Variants in SLC2A5 observed in about 807,000 individuals in gnomAD.
The protein encoded by SLC2A5 is solute carrier family 2, facilitated glucose transporter member 5.
SLC2A5 carries 56 observed loss-of-function variants against 50.3 expected under a neutral mutation model. That is an observed-to-expected ratio of 1.11 (90% CI 0.90 to 1.39). The LOEUF (loss-of-function observed/expected upper bound fraction) is 1.39. SLC2A5 is among the 40% of genes most tolerant of loss of function. The pLI, the probability that SLC2A5 is intolerant of heterozygous loss-of-function variation, is 0.00. For missense variants in SLC2A5, 566 were observed against 650.1 expected, an observed-to-expected ratio of 0.87 and a Z score of 1.41; for synonymous variants, 269 against 281.9, an observed-to-expected ratio of 0.95 and a Z score of 0.46.
Position 9,063,477 on chromosome 1 carries a change from A to G in SLC2A5, c.34-5227T>C, listed in dbSNP as rs562608462. 1.1e-3 allele frequency among the ~76,000 whole-genome samples: 170 copies of G among 151,850 alleles called. 1 individual carries two copies. The highest frequency in any genetic ancestry group is 3.9e-3 in the African/African-American group (163 of 41,382). On this transcript the variant is annotated intron_variant, in intron 1 of 11. Coordinates refer to ENST00000377424, the MANE Select transcript of SLC2A5 (RefSeq NM_003039.3). ...AGCCTCCACCTCCTCGGTTCAAGCA[A>G]TTCTCCTGCCTCAGCCTCCCGGATA...
rs139477702 is a variant in SLC2A5 at position 9,039,853 on chromosome 1, G to C, written c.832C>G (p.Leu278Val). The C allele has an allele frequency of 2.5e-6, 4 of 1,610,780 alleles. No individual in the cohort carries two copies. The highest frequency in any genetic ancestry group is 2.5e-6 in the Non-Finnish European group (3 of 1,179,098). The change falls in exon 7 of 12, where the codon CTG (leucine) becomes GTG (valine). Residue 278 changes from leucine (L) to valine (V), a missense_variant. Coordinates refer to ENST00000377424, the MANE Select transcript of SLC2A5 (RefSeq NM_003039.3). Reference sequence around the variant, plus strand: ...CCCATGAGGACGATGATGGACAGCAGCTGCCAGCGCAGCGAGCGCATCCGG... The same window carrying C: ...CCCATGAGGACGATGATGGACAGCACCTGCCAGCGCAGCGAGCGCATCCGG... Reference protein sequence around the residue: ...LFRMRSLRWQLLSIIVLMGGQ... With the variant: ...LFRMRSLRWQVLSIIVLMGGQ...
chr1:9,055,489 C>A (rs1641727813), intron 3 of SLC2A5, among the ~76,000 whole-genome samples: 1 of 151,818 alleles, frequency 6.6e-6, no homozygotes, highest in African/African-American at 2.4e-5. Flanking sequence ...TGCACTCCAG[C>A]CTGGGTGACA....
chr1:9,042,223 C>T (rs1341668185), intron 4 of SLC2A5, among the ~76,000 whole-genome samples: 1 of 152,108 alleles, frequency 6.6e-6, no homozygotes, highest in African/African-American at 2.4e-5. Flanking sequence ...TGAGTCTAGA[C>T]CCACTCACGT....
intron 3 of SLC2A5, among the ~76,000 whole-genome samples, chr1:9,053,252 ATATATTATATATT>A (rs1316929338): frequency 9.4e-4 from 12 of 12,708 alleles, no homozygotes; most frequent in African/African-American, 2.6e-3. Context: ...TATTATATTT[ATATATTATATATT>A]TATATTATAT....
At chr1:9,065,892 C>T (rs1020473757) in intron 1 of SLC2A5, among the ~76,000 whole-genome samples, 3 of 152,018 alleles carry the variant, frequency 2.0e-5, no homozygotes, top group Non-Finnish European at 2.9e-5. Context: ...TGCAATGAGC[C>T]GTGATTGTGC....
upstream of SLC2A5, among the ~76,000 whole-genome samples, chr1:9,089,547 G>C (rs940071559): frequency 3.9e-5 from 6 of 152,134 alleles, no homozygotes; most frequent in Non-Finnish European, 1.5e-5. Context: ...AAAGGCAAGC[G>C]TCTCTGTTTA....
At chr1:9,070,547 G>A (rs1481136355), upstream of SLC2A5, among the ~76,000 whole-genome samples, 1 of 152,098 alleles carries the variant, frequency 6.6e-6, no homozygotes, top group Non-Finnish European at 1.5e-5. Context: ...CCAGGCCACT[G>A]TCAGCCCCCC....
At chr1:9,062,440 G>T (rs1557677841) in intron 1 of SLC2A5, among the ~76,000 whole-genome samples, 1 of 152,174 alleles carries the variant, frequency 6.6e-6, no homozygotes. Flanking sequence ...TGGCCAGTGT[G>T]GCTGGAGCGT....
rs754664572 is a variant in SLC2A5 at position 9,039,586 on chromosome 1, G to C, written c.962C>G (p.Thr321Ser). The C allele has an allele frequency of 1.3e-5, 21 of 1,575,868 alleles. No individual in the cohort carries two copies. The highest frequency in any genetic ancestry group is 3.3e-4 in the Middle Eastern group (2 of 6,018). Residue 321 changes from threonine (T) to serine (S), a missense_variant, in exon 8 of 12, where the codon ACC becomes AGC. Physicochemically the swap from Thr to Ser is moderately conservative, Grantham distance 58. Coordinates refer to ENST00000377424, the MANE Select transcript of SLC2A5 (RefSeq NM_003039.3). The part of the protein sequence containing the change: ...EEHVQYVTAG[T>S]GAVNVVMTFC... ...GGTCATGACCACGTTCACGGCCCCG[G>C]TGCCGGCCGTCACGTACTGCACGTG...
In SLC2A5 at chr1:9,057,565, C is replaced by T. The variant is rs1480976906; in HGVS notation, c.176G>A (p.Gly59Asp). The change falls in exon 3 of 12, where the codon GGT (glycine) becomes GAT (aspartate). Residue 59 changes from glycine (G) to aspartate (D), a missense_variant. Gly to Asp is a moderately conservative substitution (Grantham distance 94). Transcript: ENST00000377424. ...FYNETYYGRT[G>D]EFMEDFPLTL... ...CAAGGGGAAGTCTTCCATGAATTCA[C>T]CGGTCCTACCATAGTAAGTCTCATT... The T allele has an allele frequency of 6.2e-7, 1 of 1,613,830 alleles. No individual in the cohort carries two copies.
chr1:9,064,395 G>T (rs562834000), intron 1 of SLC2A5, among the ~76,000 whole-genome samples: 1 of 152,228 alleles, frequency 6.6e-6, no homozygotes, highest in African/African-American at 2.4e-5. Flanking sequence ...CCGTGACCGG[G>T]AGGGTCTCTC....
chr1:9,077,311 A>T (rs1420233546), intron 2 of SLC2A5, among the ~76,000 whole-genome samples: 2 of 148,718 alleles, frequency 1.3e-5, no homozygotes, highest in African/African-American at 4.9e-5. Context: ...GAGTGGAAGG[A>T]TTGCTTGAGC....
rs764990889 is a variant in SLC2A5, at chr1:9,042,493, C to CTG, written c.419-558_419-557dup. On this transcript the variant is annotated intron_variant, in intron 4 of 11. Coordinates refer to ENST00000377424, the MANE Select transcript of SLC2A5 (RefSeq NM_003039.3). The stretch of plus-strand genomic sequence containing the variant: ...GTGTATGTCTGTGTGTGTATGGCCT[C>CTG]TGTGTGTGTGTGTGTATGTGTATAT... 6.8e-3 allele frequency among the ~76,000 whole-genome samples: 1,005 copies of CTG among 147,660 alleles called. 10 individuals carry two copies. Among genetic ancestry groups the CTG allele is most frequent in the African/African-American group, 0.023 (904 of 40,100 alleles).
chr1:9,058,487 A>T (rs1165712413), intron 1 of SLC2A5, among the ~76,000 whole-genome samples: 1 of 152,204 alleles, frequency 6.6e-6, no homozygotes, highest in African/African-American at 2.4e-5. Flanking sequence ...GCACAGCAGG[A>T]TGTTTACAGC....
chr1:9,079,037 CG>C (rs1642324359), intron 2 of SLC2A5, among the ~76,000 whole-genome samples: 1 of 152,136 alleles, frequency 6.6e-6, no homozygotes, highest in South Asian at 2.1e-4. Flanking sequence ...TGCCCACGCG[CG>C]GTGTCTCCCT....
At chr1:9,081,483 A>T (rs1469339946) in intron 2 of SLC2A5, among the ~76,000 whole-genome samples, 1 of 150,514 alleles carries the variant, frequency 6.6e-6, no homozygotes, top group Non-Finnish European at 1.5e-5. Flanking sequence ...AAAAAAAAAA[A>T]AAAAAAGTAA....
intron 4 of SLC2A5, among the ~76,000 whole-genome samples, chr1:9,043,076 A>T (rs1482336863): frequency 6.6e-6 from 1 of 152,150 alleles, no homozygotes; most frequent in Non-Finnish European, 1.5e-5. Context: ...ATATTGCCCT[A>T]TTTAATTCTC....
intron 1 of SLC2A5, among the ~76,000 whole-genome samples, chr1:9,066,347 CACCTCAGCCTCT>C (rs1194958949): frequency 6.6e-6 from 1 of 152,070 alleles, no homozygotes; most frequent in Admixed American, 6.5e-5. Context: ...GCGATCCTCC[CACCTCAGCCTCT>C]AGAGCAGCTG....
intron 3 of SLC2A5, among the ~76,000 whole-genome samples, chr1:9,052,077 A>C (rs1641592271): frequency 6.6e-6 from 1 of 152,184 alleles, no homozygotes; most frequent in Non-Finnish European, 1.5e-5. Context: ...CGAGGTCAAG[A>C]GATTGAGACC....
Sources: gnomAD v4.1 joint callset for allele counts (sites outside exome capture counted in the v4.1 genomes callset) on GRCh38, gnomAD v4.1.1 for gene constraint, MANE v1.5 for transcripts, NCBI Gene and HGNC (gene_info 2026-07-23, HGNC 2026-07-21) for gene names.